SGCZ: variants seen among roughly 807,000 people sequenced by gnomAD.
SGCZ encodes zeta-sarcoglycan.
A neutral mutation model predicts 41.3 loss-of-function variants in SGCZ; 40 were observed. The ratio of observed to expected loss-of-function variants is 0.97; its 90% confidence interval spans 0.75 to 1.26. The LOEUF (loss-of-function observed/expected upper bound fraction) is 1.26. Among genes scored for constraint, SGCZ ranks in the 50% most tolerant of loss-of-function variants. The probability of loss-of-function intolerance (pLI) is 0.00; values close to 1 mark genes in which losing one functional copy is unlikely to be tolerated. For synonymous variants in SGCZ, 206 were observed against 137.5 expected (o/e 1.50, Z -3.49); for missense variants, 552 against 369.8 (o/e 1.49, Z -4.04).
At chr8:14,980,085 A>G (rs1801611682) in intron 1 of SGCZ, among the ~76,000 whole-genome samples, 1 of 152,208 alleles carries the variant, frequency 6.6e-6, no homozygotes, top group Non-Finnish European at 1.5e-5. Flanking sequence ...TGGAGATCCT[A>G]TCAGTGCAAA....
chr8:14,393,329 C>A (rs531068254), intron 2 of SGCZ, among the ~76,000 whole-genome samples: 1 of 150,114 alleles, frequency 6.7e-6, no homozygotes, highest in African/African-American at 2.5e-5. Flanking sequence ...AGGCTGGGAG[C>A]TTACACAGAT....
intron 1 of SGCZ, among the ~76,000 whole-genome samples, chr8:15,076,600 A>G (rs1174605812): frequency 1.3e-5 from 2 of 151,954 alleles, no homozygotes; most frequent in African/African-American, 4.8e-5. Context: ...GGACTCTAGG[A>G]TTTGGCTGCC....
chr8:15,024,834 G>A (rs946296510), intron 1 of SGCZ, among the ~76,000 whole-genome samples: 3 of 152,064 alleles, frequency 2.0e-5, no homozygotes, highest in Non-Finnish European at 4.4e-5. Context: ...TACTAAGGAG[G>A]CTGAGGCAGG....
At chr8:14,285,478 G>T (rs1377043406) in intron 3 of SGCZ, among the ~76,000 whole-genome samples, 1 of 151,978 alleles carries the variant, frequency 6.6e-6, no homozygotes. Context: ...CCACCTCTGA[G>T]GAACCATAGA....
Position 14,554,941 on chromosome 8 carries a change from A to G in SGCZ, c.40-15T>C, listed in dbSNP as rs371133973. On this transcript the variant is annotated splice_polypyrimidine_tract_variant and intron_variant, in intron 1 of 7. Transcript: ENST00000382080. The stretch of plus-strand genomic sequence containing the variant: ...TCTCGTGTCATCTGAAAAAGAAAAA[A>G]GAAAGAAAGAGAAAGAAGGAAAAAA... 3.2e-5 allele frequency: 49 copies of G among 1,526,344 alleles called. No individual in the cohort carries two copies. The African/African-American group carries it at 4.7e-4, about 15-fold the overall frequency. 94.6% of individuals were successfully genotyped at this position (1,526,344 alleles called of 1,614,324 possible). A position where few individuals can be genotyped will look rare whatever the true frequency, so the allele number is the denominator to read the frequency against.
At chr8:14,401,747 T>C (rs958617458) in intron 2 of SGCZ, among the ~76,000 whole-genome samples, 3 of 151,580 alleles carry the variant, frequency 2.0e-5, no homozygotes, top group Admixed American at 6.6e-5. Flanking sequence ...GCAATAAACA[T>C]ACGTGTGCAT....
intron 6 of SGCZ, among the ~76,000 whole-genome samples, chr8:14,103,261 T>TAACA (rs919830413): frequency 7.0e-6 from 1 of 141,934 alleles, no homozygotes; most frequent in Non-Finnish European, 1.6e-5. Context: ...TCTTCAAATA[T>TAACA]AACACTAGAG....
chr8:15,173,750 G>C (rs1799917403), intron 1 of SGCZ, among the ~76,000 whole-genome samples: 1 of 152,096 alleles, frequency 6.6e-6, no homozygotes, highest in Non-Finnish European at 1.5e-5. Flanking sequence ...TTCTTCGTTA[G>C]CAGATTCATT....
At chr8:14,388,788 C>G (rs1173584958) in intron 2 of SGCZ, among the ~76,000 whole-genome samples, 4 of 150,618 alleles carry the variant, frequency 2.7e-5, no homozygotes, top group Non-Finnish European at 4.4e-5. Context: ...TGTAAAAAAC[C>G]TGCATATGTA....
chr8:14,835,682 T>C (rs529969088), intron 1 of SGCZ, among the ~76,000 whole-genome samples: 3 of 152,342 alleles, frequency 2.0e-5, no homozygotes, highest in Admixed American at 2.0e-4. Context: ...TTTGCTGCGC[T>C]TTAGCCAATC....
chr8:15,082,144 G>A (rs912603100), intron 1 of SGCZ, among the ~76,000 whole-genome samples: 3 of 151,814 alleles, frequency 2.0e-5, no homozygotes, highest in Non-Finnish European at 4.4e-5. Context: ...CAGGAGAATC[G>A]CTTGAACCCA....
At chr8:14,542,830 T>G (rs978696905) in intron 2 of SGCZ, among the ~76,000 whole-genome samples, 2 of 152,142 alleles carry the variant, frequency 1.3e-5, no homozygotes, top group Admixed American at 1.3e-4. Flanking sequence ...CCATCATTTT[T>G]AGATCTCTCT....
chr8:15,168,492 C>T (rs1433461793), intron 1 of SGCZ, among the ~76,000 whole-genome samples: 6 of 152,262 alleles, frequency 3.9e-5, no homozygotes, highest in Non-Finnish European at 8.8e-5. Flanking sequence ...GCTTCATGGG[C>T]GTGAGCTGCT....
At chr8:14,729,246 C>T (rs117821776) in intron 1 of SGCZ, among the ~76,000 whole-genome samples, 2,805 of 152,250 alleles carry the variant, frequency 0.018, 55 homozygotes, top group African/African-American at 0.047. Context: ...GTCACGACAA[C>T]GCTTAATGAC....
chr8:14,680,740 A>C (rs1245279385), intron 1 of SGCZ, among the ~76,000 whole-genome samples: 1 of 150,844 alleles, frequency 6.6e-6, no homozygotes, highest in East Asian at 1.9e-4. Context: ...AATATACTAC[A>C]TATATTCCAA....
intron 4 of SGCZ, among the ~76,000 whole-genome samples, chr8:14,193,173 A>G (rs1770245899): frequency 6.6e-6 from 1 of 151,922 alleles, no homozygotes; most frequent in Admixed American, 6.5e-5. Flanking sequence ...ATTTAAAATC[A>G]TAAGCTACAC....
chr8:14,936,018 TAA>T (rs1444008445), intron 1 of SGCZ, among the ~76,000 whole-genome samples: 1 of 151,982 alleles, frequency 6.6e-6, no homozygotes, highest in African/African-American at 2.4e-5. Flanking sequence ...ATCGATTCAC[TAA>T]GATAATGTAA....
rs1801613457 is a variant in SGCZ at position 14,089,188 on chromosome 8, G to C, written c.*1255C>G. ...GAAAATGAAAAGAACTATAATTTTT[G>C]AGGTCAGGGTAGCCTAACAACGATC... On this transcript the variant is annotated 3_prime_UTR_variant, in exon 8 of 8. Transcript: ENST00000382080. Among the ~76,000 whole-genome samples, 2 of 151,884 alleles carry C rather than the reference G, an allele frequency of 1.3e-5. 1 individual carries two copies. Among genetic ancestry groups the C allele is most frequent in the South Asian group, 4.1e-4 (2 of 4,828 alleles).
At chr8:14,635,477 C>T (rs951224588) in intron 1 of SGCZ, among the ~76,000 whole-genome samples, 1 of 151,892 alleles carries the variant, frequency 6.6e-6, no homozygotes, top group African/African-American at 2.4e-5. Flanking sequence ...GGGGTCCTCC[C>T]TTATCAGTGC....
Sources: gnomAD v4.1 joint callset for allele counts (sites outside exome capture counted in the v4.1 genomes callset) on GRCh38, gnomAD v4.1.1 for gene constraint, MANE v1.5 for transcripts, NCBI Gene and HGNC (gene_info 2026-07-23, HGNC 2026-07-21) for gene names.